KIF26B: variants seen among roughly 807,000 people sequenced by gnomAD.
KIF26B encodes the protein kinesin-like protein KIF26B.
KIF26B carries 63 observed loss-of-function variants against 151.2 expected under a neutral mutation model. The ratio of observed to expected loss-of-function variants is 0.42; its 90% CI spans 0.34 to 0.51. The LOEUF (loss-of-function observed/expected upper bound fraction) is 0.51, where lower values mean the gene tolerates loss of function less well. Among genes scored for constraint, KIF26B ranks in the 20% least tolerant of loss-of-function variants. The probability of loss-of-function intolerance (pLI) is 0.07; values close to 1 mark genes in which losing one functional copy is unlikely to be tolerated. For synonymous variants in KIF26B, 1,357 were observed against 1,262.1 expected (o/e 1.08, Z -1.59); for missense variants, 2,813 against 2,913.6 (o/e 0.97, Z 0.79).
At chr1:245,557,824 T>A (rs1662074891) in intron 5 of KIF26B, among the ~76,000 whole-genome samples, 1 of 152,206 alleles carries the variant, frequency 6.6e-6, no homozygotes, top group African/African-American at 2.4e-5. Context: ...GGCATGTCCC[T>A]CTAACTAGAG....
intron 2 of KIF26B, 101 bp from the exon 3 acceptor site, chr1:245,366,733 T>C: frequency 8.8e-7 from 1 of 1,136,318 alleles, no homozygotes; most frequent in Non-Finnish European, 1.3e-6. Context: ...ATCCAACTCT[T>C]TGAGTACGTC....
At chr1:245,176,994 C>T (rs577656097) in intron 2 of KIF26B, among the ~76,000 whole-genome samples, 12 of 152,248 alleles carry the variant, frequency 7.9e-5, no homozygotes, top group Admixed American at 2.6e-4. Flanking sequence ...TTCGTTCTGT[C>T]GCCTCGACTG....
chr1:245,330,365 C>T (rs1401882796), intron 2 of KIF26B, among the ~76,000 whole-genome samples: 2 of 61,288 alleles, frequency 3.3e-5, no homozygotes, highest in African/African-American at 1.7e-4. Flanking sequence ...AGGCCATGGA[C>T]AGGCAGGCTG....
chr1:245,487,377 T>C (rs1053033377), intron 4 of KIF26B, among the ~76,000 whole-genome samples: 1 of 152,146 alleles, frequency 6.6e-6, no homozygotes, highest in African/African-American at 2.4e-5. Context: ...AAAGTGTCAA[T>C]GTAGCAACAG....
At chr1:245,380,102 G>T (rs555257918) in intron 3 of KIF26B, among the ~76,000 whole-genome samples, 34 of 152,172 alleles carry the variant, frequency 2.2e-4, no homozygotes, top group African/African-American at 7.9e-4. Context: ...AGAGGTATTT[G>T]TGAGGATTAG....
intron 9 of KIF26B, among the ~76,000 whole-genome samples, chr1:245,623,709 G>T (rs549902162): frequency 6.6e-6 from 1 of 152,264 alleles, no homozygotes; most frequent in African/African-American, 2.4e-5. Flanking sequence ...TATTGTCTAA[G>T]ATTATCTTCA....
At chr1:245,268,394 AG>A (rs1670786731) in intron 2 of KIF26B, among the ~76,000 whole-genome samples, 1 of 150,172 alleles carries the variant, frequency 6.7e-6, no homozygotes, top group African/African-American at 2.4e-5. Context: ...ACTTGAACCC[AG>A]GGGGCAGATG....
intron 5 of KIF26B, among the ~76,000 whole-genome samples, chr1:245,551,538 C>T (rs149425571): frequency 6.6e-6 from 1 of 152,100 alleles, no homozygotes; most frequent in Non-Finnish European, 1.5e-5. Flanking sequence ...TACCTTGTTC[C>T]GCATTCTATA....
intron 2 of KIF26B, among the ~76,000 whole-genome samples, chr1:245,210,523 T>TTTC (rs71660418): frequency 1.3e-5 from 2 of 151,882 alleles, no homozygotes; most frequent in African/African-American, 4.8e-5. Flanking sequence ...TTTTTTTTTT[T>TTTC]TTACTGTATT....
intron 2 of KIF26B, among the ~76,000 whole-genome samples, chr1:245,183,778 C>G (rs1375431399): frequency 2.0e-5 from 3 of 152,028 alleles, no homozygotes; most frequent in Non-Finnish European, 4.4e-5. Flanking sequence ...AGCTTGACCT[C>G]CTCACCTGCA....
At chr1:245,212,465 C>T (rs1669558001) in intron 2 of KIF26B, among the ~76,000 whole-genome samples, 1 of 152,152 alleles carries the variant, frequency 6.6e-6, no homozygotes, top group Non-Finnish European at 1.5e-5. Context: ...TCTCCAGATC[C>T]CCCACATTGA....
At chr1:245,384,785 A>G (rs1306300976) in intron 3 of KIF26B, among the ~76,000 whole-genome samples, 1 of 152,270 alleles carries the variant, frequency 6.6e-6, no homozygotes, top group Non-Finnish European at 1.5e-5. Context: ...TTTTATGTTA[A>G]TAGTAAACTT....
intron 2 of KIF26B, among the ~76,000 whole-genome samples, chr1:245,193,675 A>G (rs1669147101): frequency 2.0e-5 from 3 of 152,252 alleles, no homozygotes; most frequent in African/African-American, 7.2e-5. Context: ...TACTGTTATC[A>G]TCCCAGTTTT....
intron 2 of KIF26B, among the ~76,000 whole-genome samples, chr1:245,224,288 AG>A (rs66520343): frequency 0.013 from 1,338 of 106,586 alleles, 27 homozygotes; most frequent in African/African-American, 0.032. Flanking sequence ...TCCGTCTCAA[AG>A]AAAAAAAAAA....
chr1:245,275,461 G>GTTTAA (rs1190226528), intron 2 of KIF26B, among the ~76,000 whole-genome samples: 2 of 152,094 alleles, frequency 1.3e-5, no homozygotes, highest in African/African-American at 4.8e-5. Context: ...TATGGTTTTA[G>GTTTAA]GTCTTACGTT....
chr1:245,679,716 G>A (rs139983919), intron 10 of KIF26B, among the ~76,000 whole-genome samples: 6,496 of 152,158 alleles, frequency 0.043, 166 homozygotes, highest in East Asian at 0.1. Flanking sequence ...TGATCTGCCC[G>A]CCTCAGCCTC....
intron 5 of KIF26B, among the ~76,000 whole-genome samples, chr1:245,545,947 TA>T (rs1352721020): frequency 1.1e-4 from 16 of 152,364 alleles, no homozygotes; most frequent in African/African-American, 3.8e-4. Context: ...ACTTGCTAAG[TA>T]TATGGCTCTG....
At chr1:245,677,799 T>A (rs545281682) in intron 10 of KIF26B, among the ~76,000 whole-genome samples, 1 of 152,368 alleles carries the variant, frequency 6.6e-6, no homozygotes, top group South Asian at 2.1e-4. Context: ...TAAAGTGATT[T>A]TCCCTTTTGG....
chr1:245,365,328 A>C (rs910317489), intron 2 of KIF26B, among the ~76,000 whole-genome samples: 2 of 152,136 alleles, frequency 1.3e-5, no homozygotes, highest in African/African-American at 4.8e-5. Flanking sequence ...CTCCTGAGCC[A>C]CCCCTTGCTG....
Sources: gnomAD v4.1 joint callset for allele counts (sites outside exome capture counted in the v4.1 genomes callset) on GRCh38, gnomAD v4.1.1 for gene constraint, MANE v1.5 for transcripts, NCBI Gene and HGNC (gene_info 2026-07-23, HGNC 2026-07-21) for gene names.